The following FBH1 variants were observed in gnomAD, a reference collection of about 807,000 sequenced individuals.
FBH1 encodes the protein DNA 3'-5' helicase 1.
A neutral mutation model predicts 115.5 loss-of-function variants in FBH1; 43 were observed. That is an observed-to-expected ratio of 0.37 (90% CI 0.29 to 0.48). The LOEUF (loss-of-function observed/expected upper bound fraction) is 0.48. FBH1 is among the 20% of genes least tolerant of loss of function. FBH1 has a pLI of 0.99. For synonymous variants in FBH1, 524 were observed against 507.8 expected (o/e 1.03, Z -0.43); for missense variants, 1,001 against 1,337.3 (o/e 0.75, Z 3.92).
chr10:5,893,962 C>T (rs1842872685), intron 1 of FBH1: 4 of 981,442 alleles, frequency 4.1e-6, no homozygotes, highest in Non-Finnish European at 4.8e-6. Context: ...TTCAAACATT[C>T]CTTTCTTTCT....
rs1831810426 is a variant in FBH1 at position 5,914,551 on chromosome 10, G to T, written c.1396+282G>T. Among the ~76,000 whole-genome samples, 1 of 152,366 alleles carries T rather than the reference G, an allele frequency of 6.6e-6. No homozygotes were observed. Among genetic ancestry groups the T allele is most frequent in the Non-Finnish European group, 1.5e-5 (1 of 68,038 alleles). ...GATTGAGCCCAGCATTGTGATGTTT[G>T]CTCAGGCACTGATTGCTTCTGGAGA... On this transcript the variant is annotated intron_variant, in intron 8 of 20. Coordinates refer to ENST00000362091, the MANE Select transcript of FBH1 (RefSeq NM_178150.3). The surrounding 1 kb of genome is among the most constrained non-coding windows in gnomAD (Gnocchi z 5.2).
At position 5,913,988 on chromosome 10, in the gene FBH1, C is replaced by A; in HGVS notation, c.1304+149C>A. 1.2e-6 allele frequency: 1 copy of A among 811,020 alleles called. No homozygotes were observed. Among genetic ancestry groups the A allele is most frequent in the Non-Finnish European group, 2.0e-6 (1 of 498,228 alleles). 50.2% of individuals were successfully genotyped at this position (811,020 alleles called of 1,614,324 possible). ...ACTCACCCATCCTAAGAGTGTGATT[C>A]AGTGACATTGCCTGAGCTGTGCATC... On this transcript the variant is annotated intron_variant, in intron 7 of 20. Coordinates refer to ENST00000362091, the MANE Select transcript of FBH1 (RefSeq NM_178150.3). The surrounding 1 kb of genome is among the most constrained non-coding windows in gnomAD (Gnocchi z 4.4).
rs993151733 is a variant in FBH1, at chr10:5,911,864, C to A, written c.1211+736C>A. 5.3e-5 allele frequency among the ~76,000 whole-genome samples: 8 copies of A among 152,062 alleles called. No individual in the cohort carries two copies. Among genetic ancestry groups the A allele is most frequent in the African/African-American group, 1.9e-4 (8 of 41,374 alleles). ...CTGAGCAGGTAGTGTCTGAGTGAAA[C>A]CTGAGTGTGGAGGAGGAACCGCCGT... On this transcript the variant is annotated intron_variant, in intron 6 of 20. Transcript: ENST00000362091. This position sits in a 1 kb window ranked among gnomAD's most constrained non-coding sequence, Gnocchi z 5.4.
chr10:5,917,714 G>C lies in FBH1; in HGVS notation c.1963+38G>C, dbSNP rs868578478. The C allele has an allele frequency of 3.9e-5, 58 of 1,492,886 alleles. No homozygotes were observed. The highest frequency in any genetic ancestry group is 5.3e-5 in the Non-Finnish European group (57 of 1,074,242). 92.5% of individuals were successfully genotyped at this position (1,492,886 alleles called of 1,614,324 possible). A position where few individuals can be genotyped will look rare whatever the true frequency, so the allele number is the denominator to read the frequency against. On this transcript the variant is annotated intron_variant, in intron 12 of 20. Transcript: ENST00000362091. The surrounding 1 kb of genome is among the most constrained non-coding windows in gnomAD (Gnocchi z 5.6). ...TCAGGACATCAGTAGTGTCAAATAC[G>C]TAGAAACAGCGCCATGATTATGTAA...
At chr10:5,896,726 G>A (rs1472263576) in intron 1 of FBH1, among the ~76,000 whole-genome samples, 1 of 152,054 alleles carries the variant, frequency 6.6e-6, no homozygotes, top group Non-Finnish European at 1.5e-5. Context: ...GCACCCACAA[G>A]AACCCCTAGT....
rs1735555092 is a variant in FBH1 at position 5,924,666 on chromosome 10, C to A, written c.2596+158C>A. ...CACTGCAATGCCCACCTTCTGGGTT[C>A]AAGCAATTATCCTGCCTCAGCCTCG... On this transcript the variant is annotated intron_variant, in intron 17 of 20. Coordinates refer to ENST00000362091, the MANE Select transcript of FBH1 (RefSeq NM_178150.3). The surrounding 1 kb of genome is among the most constrained non-coding windows in gnomAD (Gnocchi z 6.2). The A allele has an allele frequency of 6.8e-6, 5 of 738,966 alleles. No individual in the cohort carries two copies. The highest frequency in any genetic ancestry group is 4.2e-5 in the Admixed American group (2 of 47,862). 45.8% of individuals were successfully genotyped at this position (738,966 alleles called of 1,614,324 possible).
chr10:5,901,723 C>T (rs1843359550), intron 1 of FBH1, among the ~76,000 whole-genome samples: 1 of 151,724 alleles, frequency 6.6e-6, no homozygotes, highest in African/African-American at 2.4e-5. Context: ...CACCACCACA[C>T]CTGGCTGATT....
chr10:5,917,354 G>A lies in FBH1; in HGVS notation c.1789-66G>A. The A allele has an allele frequency of 7.4e-7, 1 of 1,359,112 alleles. No individual in the cohort carries two copies. The highest frequency in any genetic ancestry group is 1.0e-6 in the Non-Finnish European group (1 of 957,926). The allele number at this position is 1,359,112 out of a possible 1,614,324, so 84.2% of individuals were successfully genotyped here. A position where few individuals can be genotyped will look rare whatever the true frequency, so the allele number is the denominator to read the frequency against. ...CCACTGCTGTATGGGAGTTGACAGTGTGACCGCAGGGTGCTGCCTTTGCCA... is the reference window on the plus strand; with the variant it reads ...CCACTGCTGTATGGGAGTTGACAGTATGACCGCAGGGTGCTGCCTTTGCCA... On this transcript the variant is annotated intron_variant, in intron 10 of 20. Coordinates refer to ENST00000362091, the MANE Select transcript of FBH1 (RefSeq NM_178150.3). This position sits in a 1 kb window ranked among gnomAD's most constrained non-coding sequence, Gnocchi z 5.6.
At position 5,910,935 on chromosome 10, in the gene FBH1, C is replaced by T; in HGVS notation, c.1021-3C>T. ...CCTCCCTCCCTGTGCACCTGGCTTG[C>T]AGGGTGTCAACATCTGGGCCCTGGT... On this transcript the variant is annotated splice_region_variant and splice_polypyrimidine_tract_variant and intron_variant, in intron 5 of 20. Transcript: ENST00000362091. The surrounding 1 kb of genome is among the most constrained non-coding windows in gnomAD (Gnocchi z 4.8). 1 of 1,606,986 alleles carries T rather than the reference C, an allele frequency of 6.2e-7. No individual in the cohort carries two copies. The highest frequency in any genetic ancestry group is 8.5e-7 in the Non-Finnish European group (1 of 1,178,364).
Position 5,916,437 on chromosome 10 carries a change from T to C in FBH1, c.1769T>C (p.Val590Ala). 1 of 1,613,796 alleles carries C rather than the reference T, an allele frequency of 6.2e-7. No individual in the cohort carries two copies. ...AACAGCCAAGGACAGAGAGTCATGGTTGAGCAGAGTGAAAAACTGGTGAGT... is the reference window on the plus strand; with the variant it reads ...AACAGCCAAGGACAGAGAGTCATGGCTGAGCAGAGTGAAAAACTGGTGAGT... ...CKNSQGQRVM[V>A]EQSEKLNGVL... is the part of the protein sequence containing the mutation. Residue 590 changes from valine (V) to alanine (A), a missense_variant, in exon 10 of 21, where the codon GTT becomes GCT. Transcript: ENST00000362091.
At chr10:5,904,105 C>T (rs1843546553) in intron 2 of FBH1, among the ~76,000 whole-genome samples, 2 of 151,834 alleles carry the variant, frequency 1.3e-5, no homozygotes, top group African/African-American at 4.8e-5. Flanking sequence ...TCCAGGAGTG[C>T]AGTGGCACCA....
rs2132136568 is a variant in FBH1 at position 5,933,809 on chromosome 10, A to C, written c.2830-2647A>C. Among the ~76,000 whole-genome samples, 1 of 151,850 alleles carries C rather than the reference A, an allele frequency of 6.6e-6. No individual in the cohort carries two copies. The highest frequency in any genetic ancestry group is 2.1e-4 in the South Asian group (1 of 4,804). ...AGGTGTACACCACCATACCTGGCTA[A>C]TTTTTTTTGGTATTTTTTTTTTGTT... On this transcript the variant is annotated intron_variant, in intron 19 of 20. Transcript: ENST00000362091. This position sits in a 1 kb window ranked among gnomAD's most constrained non-coding sequence, Gnocchi z 4.9.
rs1198128069 is a variant in FBH1 at position 5,921,493 on chromosome 10, G to A, written c.2246G>A (p.Arg749Gln). 10 of 1,601,176 alleles carry A rather than the reference G, an allele frequency of 6.2e-6. No homozygotes were observed. The highest frequency in any genetic ancestry group is 8.5e-6 in the Non-Finnish European group (10 of 1,176,912). The change falls in exon 15 of 21, where the codon CGG (arginine) becomes CAG (glutamine). Residue 749 changes from arginine (R) to glutamine (Q), a missense_variant. This residue lies in a region of FBH1 where 521 missense variants were observed against 811.0 expected (regional missense o/e 0.64). Transcript: ENST00000362091. This position sits in a 1 kb window ranked among gnomAD's most constrained non-coding sequence, Gnocchi z 6.4. ...AAGGGGCAAGTGGCCTTGTTGTCCCGGACCAACGCCAACGTGTTTGATGAG... is the reference window on the plus strand; with the variant it reads ...AAGGGGCAAGTGGCCTTGTTGTCCCAGACCAACGCCAACGTGTTTGATGAG... ...DAKGQVALLSRTNANVFDEAV... is the reference protein window; with the variant it reads ...DAKGQVALLSQTNANVFDEAV...
chr10:5,931,713 T>C lies in FBH1; in HGVS notation c.2829+4172T>C, dbSNP rs1832981627. Among the ~76,000 whole-genome samples the C allele has an allele frequency of 6.6e-6, 1 of 152,230 alleles. No homozygotes were observed. The highest frequency in any genetic ancestry group is 2.4e-5 in the African/African-American group (1 of 41,462). On this transcript the variant is annotated intron_variant, in intron 19 of 20. Coordinates refer to ENST00000362091, the MANE Select transcript of FBH1 (RefSeq NM_178150.3). The surrounding 1 kb of genome is among the most constrained non-coding windows in gnomAD (Gnocchi z 4.3). ...CTGAAGTCACTTAAAGTAAGTCCTT[T>C]TTGCTTTTGTGGTTTTATTACCAAC...
Position 5,915,368 on chromosome 10 carries a change from C to G in FBH1, c.1397-35C>G, listed in dbSNP as rs1410388551. On this transcript the variant is annotated intron_variant, in intron 8 of 20. Transcript: ENST00000362091. The surrounding 1 kb of genome is among the most constrained non-coding windows in gnomAD (Gnocchi z 5.2). ...GATCCCTGGGCATGTCTTGTCTGGT[C>G]AGAGGGTCACCTCCTTTCCTCCTGG... 3 of 1,610,316 alleles carry G rather than the reference C, an allele frequency of 1.9e-6. No individual in the cohort carries two copies. The highest frequency in any genetic ancestry group is 2.5e-6 in the Non-Finnish European group (3 of 1,177,908).
intron 18 of FBH1, among the ~76,000 whole-genome samples, chr10:5,926,098 A>ATTC (rs1554809910): frequency 0.044 from 5,487 of 124,838 alleles, 182 homozygotes; most frequent in East Asian, 0.26. Context: ...TGTTGTTATT[A>ATTC]TTATTCTTAT....
In FBH1 at chr10:5,895,840, C is replaced by T. The variant is rs1461429392; in HGVS notation, c.1+5494C>T. 6.6e-6 allele frequency among the ~76,000 whole-genome samples: 1 copy of T among 152,152 alleles called. No homozygotes were observed. Among genetic ancestry groups the T allele is most frequent in the African/African-American group, 2.4e-5 (1 of 41,434 alleles). On this transcript the variant is annotated intron_variant, in intron 1 of 20. Coordinates refer to ENST00000362091, the MANE Select transcript of FBH1 (RefSeq NM_178150.3). This position sits in a 1 kb window ranked among gnomAD's most constrained non-coding sequence, Gnocchi z 5.0. The stretch of plus-strand genomic sequence containing the variant: ...GAAGAGGCGTGTGCTGCTGCTGTTC[C>T]CATTGCATTGGCTGGCACCCAGCGG...
At position 5,916,383 on chromosome 10, in the gene FBH1, C is replaced by A. The variant is rs1359071995; in HGVS notation, c.1715C>A (p.Thr572Asn). The change falls in exon 10 of 21, where the codon ACC becomes AAC. Residue 572 changes from threonine (T) to asparagine (N), a missense_variant. Coordinates refer to ENST00000362091, the MANE Select transcript of FBH1 (RefSeq NM_178150.3). Reference sequence around the variant, plus strand: ...TTTGCCTCGGCTGACGAAGAGCTGACCATTGATCACGTGCCTATTTGGTGT... The same window carrying A: ...TTTGCCTCGGCTGACGAAGAGCTGAACATTGATCACGTGCCTATTTGGTGT... ...NFFASADEEL[T>N]IDHVPIWCKN... 6.2e-7 allele frequency: 1 copy of A among 1,614,104 alleles called. No homozygotes were observed. The highest frequency in any genetic ancestry group is 8.5e-7 in the Non-Finnish European group (1 of 1,180,058).
chr10:5,916,196 G>A, intron 9 of FBH1, 38 bp from the exon 10 acceptor site: 1 of 1,577,220 alleles, frequency 6.3e-7, no homozygotes, highest in Non-Finnish European at 8.7e-7. Flanking sequence ...ACCAAGCCAG[G>A]AGAGCCACGT....
Sources: gnomAD v4.1 joint callset for allele counts (sites outside exome capture counted in the v4.1 genomes callset) on GRCh38, gnomAD v4.1.1 for gene constraint, gnomAD v4.1.1 regional missense constraint, Gnocchi (gnomAD v3.1) non-coding constraint, MANE v1.5 for transcripts, NCBI Gene and HGNC (gene_info 2026-07-23, HGNC 2026-07-21) for gene names.